Variants in IQGAP1 observed in about 807,000 individuals in gnomAD.
The protein encoded by IQGAP1 is IQ motif containing GTPase activating protein 1.
In IQGAP1, 66 loss-of-function variants were observed where a neutral mutation model predicts 215.6. That is an observed-to-expected ratio of 0.31 (90% CI 0.25 to 0.38). IQGAP1 has a LOEUF of 0.38. IQGAP1 is among the 10% of genes least tolerant of loss of function. The probability of loss-of-function intolerance (pLI) is 1.00; values close to 1 mark genes in which losing one functional copy is unlikely to be tolerated. For missense variants in IQGAP1, 1,712 were observed against 1,997.1 expected (o/e 0.86, Z 2.72); for synonymous variants, 772 against 728.7 (o/e 1.06, Z -0.96).
chr15:90,442,993 T>C (rs1241392836), intron 8 of IQGAP1, among the ~76,000 whole-genome samples: 3 of 151,918 alleles, frequency 2.0e-5, no homozygotes, highest in African/African-American at 7.2e-5. Context: ...AGAATCTCGC[T>C]CAGTCACCTA....
intron 28 of IQGAP1, among the ~76,000 whole-genome samples, chr15:90,482,548 CTGTAGTAT>C (rs1966073909): frequency 6.6e-6 from 1 of 152,144 alleles, no homozygotes; most frequent in Non-Finnish European, 1.5e-5. Context: ...TATCTTTTCG[CTGTAGTAT>C]TGTTCCCTCT....
chr15:90,467,520 C>A lies in IQGAP1; in HGVS notation c.2106C>A (p.Thr702=). The A allele has an allele frequency of 1.2e-6, 2 of 1,611,748 alleles. No individual in the cohort carries two copies. The highest frequency in any genetic ancestry group is 1.3e-5 in the African/African-American group (1 of 74,628). The change falls in exon 18 of 38, where the codon ACC becomes ACA. Residue 702 remains threonine (T), a synonymous_variant. Transcript: ENST00000268182. ...ATTATTATTACCACAATCTGGAGAC[C>A]CAGGAAGGAGGATGGGATGAACCTC... is the stretch of plus-strand genomic sequence containing the variant. ...GGYYYYHNLE[T]QEGGWDEPPN...
At chr15:90,395,261 C>T (rs142275524) in intron 2 of IQGAP1, among the ~76,000 whole-genome samples, 1,776 of 152,072 alleles carry the variant, frequency 0.012, 27 homozygotes, top group Non-Finnish European at 0.015. Flanking sequence ...TTATTTTTAT[C>T]CTTTTGCCTG....
intron 14 of IQGAP1, among the ~76,000 whole-genome samples, chr15:90,455,604 T>C (rs1965667388): frequency 6.6e-6 from 1 of 152,242 alleles, no homozygotes; most frequent in Admixed American, 6.5e-5. Context: ...AATTTTAATT[T>C]GTATTTCCTG....
chr15:90,485,268 A>G (rs1335397668), intron 30 of IQGAP1, among the ~76,000 whole-genome samples: 1 of 152,200 alleles, frequency 6.6e-6, no homozygotes, highest in Non-Finnish European at 1.5e-5. Flanking sequence ...TGCCCCTACA[A>G]TAATTATAAC....
At chr15:90,492,393 C>T in intron 34 of IQGAP1, 152 bp from the exon 35 acceptor site, 2 of 559,828 alleles carry the variant, frequency 3.6e-6, no homozygotes, top group Non-Finnish European at 2.9e-6. Context: ...AACCACTGCA[C>T]ACTCGAGCCT....
At chr15:90,393,373 C>G (rs1286500192) in intron 2 of IQGAP1, 1 of 152,150 alleles carries the variant, frequency 6.6e-6, no homozygotes, top group African/African-American at 2.4e-5. Flanking sequence ...CTAGATATAT[C>G]TCTAGATTAC....
intron 9 of IQGAP1, among the ~76,000 whole-genome samples, chr15:90,445,142 T>A (rs1277647610): frequency 1.3e-5 from 2 of 152,000 alleles, no homozygotes; most frequent in Non-Finnish European, 2.9e-5. Context: ...TTAATTAATT[T>A]TTTTTTTTTA....
intron 16 of IQGAP1, 46 bp from the exon 17 acceptor site, chr15:90,466,223 T>G: frequency 6.2e-7 from 1 of 1,603,024 alleles, no homozygotes; most frequent in African/African-American, 1.3e-5. Context: ...TATGTGAATT[T>G]AGACACTCTC....
Position 90,473,751 on chromosome 15 carries a change from C to G in IQGAP1, c.2386C>G (p.Gln796Glu). ...AGGATACAAGCAGAAGAAGGCATATCAAGATCGGTTAGCTTACCTGCGCTC... is the reference window on the plus strand; with the variant it reads ...AGGATACAAGCAGAAGAAGGCATATGAAGATCGGTTAGCTTACCTGCGCTC... ...WRGYKQKKAY[Q>E]DRLAYLRSHK... The change falls in exon 20 of 38, where the codon CAA becomes GAA. Residue 796 changes from glutamine to glutamate, a missense_variant. Physicochemically the swap from Gln to Glu is conservative, Grantham distance 29. This residue lies in a region of IQGAP1 where 1,021 missense variants were observed against 1,074.2 expected (regional missense o/e 0.95). Coordinates refer to ENST00000268182, the MANE Select transcript of IQGAP1 (RefSeq NM_003870.4). 3 of 1,610,172 alleles carry G rather than the reference C, an allele frequency of 1.9e-6. No homozygotes were observed. In the South Asian group the frequency reaches 3.3e-5, roughly 18 times the overall value.
At chr15:90,449,103 C>G (rs1965565337) in intron 10 of IQGAP1, among the ~76,000 whole-genome samples, 1 of 151,418 alleles carries the variant, frequency 6.6e-6, no homozygotes, top group Non-Finnish European at 1.5e-5. Flanking sequence ...TTAGTTTGCT[C>G]TGGCCAAAGC....
Position 90,487,024 on chromosome 15 carries a change from G to A in IQGAP1, c.4095G>A (p.Leu1365=). Reference sequence around the variant, plus strand: ...CTAAGACGGAAGTGTCTCTCACCCTGACCAACAAGTTCGACGTGCCTGGAG... The same window carrying A: ...CTAAGACGGAAGTGTCTCTCACCCTAACCAACAAGTTCGACGTGCCTGGAG... ...ALAKTEVSLT[L]TNKFDVPGDE... Residue 1365 remains leucine, a synonymous_variant, in exon 32 of 38, where the codon CTG becomes CTA. Transcript: ENST00000268182. 1 of 1,614,114 alleles carries A rather than the reference G, an allele frequency of 6.2e-7. No individual in the cohort carries two copies. The highest frequency in any genetic ancestry group is 8.5e-7 in the Non-Finnish European group (1 of 1,179,996).
intron 26 of IQGAP1, among the ~76,000 whole-genome samples, chr15:90,480,824 C>T (rs1453972559): frequency 4.6e-5 from 7 of 152,220 alleles, no homozygotes; most frequent in South Asian, 2.1e-4. Context: ...ATGCGCCACA[C>T]GCCTGGCTAA....
intron 10 of IQGAP1, 124 bp from the exon 11 acceptor site, chr15:90,449,435 C>T: frequency 1.3e-6 from 1 of 762,484 alleles, no homozygotes; most frequent in Non-Finnish European, 2.0e-6. Flanking sequence ...TGCATGTAGC[C>T]TGAGCTGTCA....
At position 90,476,713 on chromosome 15, in the gene IQGAP1, G is replaced by T; in HGVS notation, c.2835G>T (p.Leu945Phe). The T allele has an allele frequency of 1.9e-6, 3 of 1,601,720 alleles. No homozygotes were observed. Among genetic ancestry groups the T allele is most frequent in the Non-Finnish European group, 8.5e-7 (1 of 1,176,892 alleles). ...KKLTKKNKEQ[L>F]SDMMMINKQK... ...TTACCAAAAAAAATAAGGAACAGTT[G>T]TCTGATATGATGATGATAAATAAAC... The change falls in exon 24 of 38, where the codon TTG becomes TTT. Residue 945 changes from leucine to phenylalanine, a missense_variant. By Grantham distance (22) the Leu-to-Phe change is conservative. Coordinates refer to ENST00000268182, the MANE Select transcript of IQGAP1 (RefSeq NM_003870.4).
At chr15:90,469,716 C>G (rs942153559) in intron 18 of IQGAP1, among the ~76,000 whole-genome samples, 2 of 151,744 alleles carry the variant, frequency 1.3e-5, no homozygotes, top group Non-Finnish European at 2.9e-5. Flanking sequence ...AGTAACATAG[C>G]GTAGATAATA....
chr15:90,472,994 C>T lies in IQGAP1; in HGVS notation c.2333C>T (p.Ala778Val). ...RMNFLKKQIP[A>V]ITCIQSQWRG... ...AATTTCCTGAAGAAACAAATCCCTG[C>T]CATCACCTGCATTCAGGTATTTCAG... Residue 778 changes from alanine (A) to valine (V), a missense_variant, in exon 19 of 38, where the codon GCC (alanine) becomes GTC (valine). By Grantham distance (64) the Ala-to-Val change is moderately conservative (BLOSUM62 0). This residue lies in a region of IQGAP1 where 1,021 missense variants were observed against 1,074.2 expected (regional missense o/e 0.95). Coordinates refer to ENST00000268182, the MANE Select transcript of IQGAP1 (RefSeq NM_003870.4). 1 of 1,613,858 alleles carries T rather than the reference C, an allele frequency of 6.2e-7. No homozygotes were observed. Among genetic ancestry groups the T allele is most frequent in the Non-Finnish European group, 8.5e-7 (1 of 1,179,874 alleles).
At position 90,409,835 on chromosome 15, in the gene IQGAP1, G is replaced by A. The variant is rs1180636895; in HGVS notation, c.156-16275G>A. On this transcript the variant is annotated intron_variant, in intron 2 of 37. Coordinates refer to ENST00000268182, the MANE Select transcript of IQGAP1 (RefSeq NM_003870.4). ...GTTGTTTCCTGACTTTTTAATGAGC[G>A]ACATTCTAACTGGTGTGAGATGGCA... 2.0e-5 allele frequency among the ~76,000 whole-genome samples: 3 copies of A among 152,082 alleles called. No homozygotes were observed. The East Asian group carries it at 5.8e-4, about 29-fold the overall frequency.
rs1404531137 is a variant in IQGAP1, at chr15:90,456,192, A to G, written c.1653A>G (p.Glu551=). ...AIGLINEALD[E]GDAQKTLQAL... The stretch of plus-strand genomic sequence containing the variant: ...GTTTAATTAATGAAGCCCTGGATGA[A>G]GGTGATGCCCAAAAGACTCTGCAGG... Residue 551 remains glutamate (E), a synonymous_variant, in exon 15 of 38, where the codon GAA becomes GAG. Coordinates refer to ENST00000268182, the MANE Select transcript of IQGAP1 (RefSeq NM_003870.4). The G allele has an allele frequency of 1.2e-6, 2 of 1,614,024 alleles. No individual in the cohort carries two copies. Among genetic ancestry groups the G allele is most frequent in the Admixed American group, 3.3e-5 (2 of 59,990 alleles).
Sources: allele counts gnomAD v4.1 joint callset (sites outside exome capture counted in the v4.1 genomes callset), GRCh38; gene constraint gnomAD v4.1.1; regional missense constraint gnomAD v4.1.1; transcripts MANE v1.5; gene names NCBI Gene and HGNC (gene_info 2026-07-23, HGNC 2026-07-21).